KPNA5: variants seen among roughly 807,000 people sequenced by gnomAD.
KPNA5 encodes importin subunit alpha-6.
In KPNA5, 46 loss-of-function variants were observed where a neutral mutation model predicts 71.3. The observed-to-expected ratio is 0.65, with a 90% confidence interval of 0.51 to 0.83. The LOEUF (loss-of-function observed/expected upper bound fraction) is 0.83. Ranked by LOEUF, KPNA5 falls within the 40% of genes least tolerant of loss-of-function variation. The pLI, the probability that KPNA5 is intolerant of heterozygous loss-of-function variation, is 0.00. For missense variants in KPNA5, 547 were observed against 628.3 expected (o/e 0.87, Z 1.38); for synonymous variants, 207 against 201.4 (o/e 1.03, Z -0.24).
At chr6:116,708,639 C>T (rs928731268) in intron 7 of KPNA5, among the ~76,000 whole-genome samples, 3 of 151,972 alleles carry the variant, frequency 2.0e-5, no homozygotes, top group Non-Finnish European at 2.9e-5. Context: ...GTAAACAGGT[C>T]GTATACCTCT....
chr6:116,709,150 A>C (rs1212671280), intron 7 of KPNA5, among the ~76,000 whole-genome samples: 3 of 152,082 alleles, frequency 2.0e-5, no homozygotes, highest in Admixed American at 6.6e-5. Context: ...TTTTTTGTAG[A>C]TTGTTGTGGA....
intron 10 of KPNA5, 69 bp downstream of exon 10, chr6:116,724,444 C>A: frequency 1.0e-6 from 1 of 999,686 alleles, no homozygotes; most frequent in Non-Finnish European, 1.6e-6. Flanking sequence ...TTTCATACAA[C>A]TTGATTACAT....
chr6:116,715,171 A>G (rs988925089), intron 7 of KPNA5, among the ~76,000 whole-genome samples: 1 of 152,220 alleles, frequency 6.6e-6, no homozygotes, highest in African/African-American at 2.4e-5. Context: ...ATGTCACTCT[A>G]AAACAGGGAT....
In KPNA5 at chr6:116,736,387, A is replaced by C. The variant is rs1374775664; in HGVS notation, c.*4064A>C. 6.6e-6 allele frequency: 1 copy of C among 151,848 alleles called. No homozygotes were observed. Among genetic ancestry groups the C allele is most frequent in the Non-Finnish European group, 1.5e-5 (1 of 67,814 alleles). 9.4% of individuals were successfully genotyped at this position (151,848 alleles called of 1,614,324 possible). ...TTGGAAATGGGAGGTGACTGGGTAC[A>C]AAGTTTCTTCTTTGAGCAATAAAAA... On this transcript the variant is annotated 3_prime_UTR_variant, in exon 14 of 14. Transcript: ENST00000368564.
intron 2 of KPNA5, among the ~76,000 whole-genome samples, chr6:116,691,145 C>T (rs111343496): frequency 6.6e-6 from 1 of 152,334 alleles, no homozygotes; most frequent in Non-Finnish European, 1.5e-5. Context: ...AGGAGGATCG[C>T]TTGAACCCAG....
At chr6:116,714,852 A>G (rs566555828) in intron 7 of KPNA5, among the ~76,000 whole-genome samples, 4 of 152,308 alleles carry the variant, frequency 2.6e-5, no homozygotes, top group Non-Finnish European at 5.9e-5. Flanking sequence ...CAAAACAGAC[A>G]AACACAATTT....
rs370867540 is a variant in KPNA5 at position 116,692,027 on chromosome 6, T to C, written c.139-28T>C. The C allele has an allele frequency of 4.0e-5, 56 of 1,400,706 alleles. No homozygotes were observed. The African/African-American group carries it at 7.2e-4, about 18-fold the overall frequency. 86.8% of individuals were successfully genotyped at this position (1,400,706 alleles called of 1,614,324 possible). On this transcript the variant is annotated intron_variant, in intron 2 of 13. Coordinates refer to ENST00000368564, the MANE Select transcript of KPNA5 (RefSeq NM_001366306.2). Reference sequence around the variant, plus strand: ...ACTTAATGTTTTATGGAAAGCTCAATGTGTAAACTGATTTCTCTTTATTAC... The same window carrying C: ...ACTTAATGTTTTATGGAAAGCTCAACGTGTAAACTGATTTCTCTTTATTAC...
At chr6:116,722,070 G>A (rs938473754) in intron 8 of KPNA5, 56 bp from the exon 9 acceptor site, 1 of 1,316,340 alleles carries the variant, frequency 7.6e-7, no homozygotes, top group Non-Finnish European at 1.0e-6. Flanking sequence ...ATTTTTCTAA[G>A]GAAACTTGGT....
intron 7 of KPNA5, among the ~76,000 whole-genome samples, chr6:116,705,375 A>G (rs1349789949): frequency 6.6e-6 from 1 of 152,214 alleles, no homozygotes; most frequent in Non-Finnish European, 1.5e-5. Flanking sequence ...GTCATTGCTT[A>G]CTTGATGCTT....
At chr6:116,724,097 C>G (rs573133137) in intron 9 of KPNA5, among the ~76,000 whole-genome samples, 200 bp from the exon 10 acceptor site, 1 of 152,220 alleles carries the variant, frequency 6.6e-6, no homozygotes, top group Admixed American at 6.5e-5. Context: ...ACTGAGAAAT[C>G]ATTCTGGAGA....
rs557993106 is a variant in KPNA5 at position 116,741,852 on chromosome 6, G to T, written c.*9529G>T. The T allele has an allele frequency of 2.0e-5, 3 of 152,184 alleles. No individual in the cohort carries two copies. The highest frequency in any genetic ancestry group is 2.9e-5 in the Non-Finnish European group (2 of 67,964). The allele number at this position is 152,184 out of a possible 1,614,324, so 9.4% of individuals were successfully genotyped here. On this transcript the variant is annotated 3_prime_UTR_variant, in exon 14 of 14. Coordinates refer to ENST00000368564, the MANE Select transcript of KPNA5 (RefSeq NM_001366306.2). Reference sequence around the variant, plus strand: ...CTTCAGTCACAATTCCAGAATAAAAGAATCTACTTTGTGTATTAATGTTTT... The same window carrying T: ...CTTCAGTCACAATTCCAGAATAAAATAATCTACTTTGTGTATTAATGTTTT...
At position 116,739,153 on chromosome 6, in the gene KPNA5, G is replaced by C. The variant is rs1297511597; in HGVS notation, c.*6830G>C. On this transcript the variant is annotated 3_prime_UTR_variant, in exon 14 of 14. Coordinates refer to ENST00000368564, the MANE Select transcript of KPNA5 (RefSeq NM_001366306.2). Reference sequence around the variant, plus strand: ...TAAGCTGATAAGCAACTTCAGCAAAGTCTCAGGATACAAAATCAATGTACA... The same window carrying C: ...TAAGCTGATAAGCAACTTCAGCAAACTCTCAGGATACAAAATCAATGTACA... 1.3e-5 allele frequency: 2 copies of C among 152,172 alleles called. No homozygotes were observed. The highest frequency in any genetic ancestry group is 2.9e-5 in the Non-Finnish European group (2 of 68,050). The allele number at this position is 152,172 out of a possible 1,614,324, so 9.4% of individuals were successfully genotyped here.
chr6:116,685,770 T>C (rs75078235), intron 1 of KPNA5, among the ~76,000 whole-genome samples: 1 of 152,212 alleles, frequency 6.6e-6, no homozygotes. Context: ...GTTTTTATGG[T>C]AGAATGATTT....
intron 1 of KPNA5, chr6:116,681,547 G>C (rs1331045339): frequency 1.5e-6 from 2 of 1,341,120 alleles, no homozygotes; most frequent in East Asian, 6.4e-5. Flanking sequence ...CGGACGCGAA[G>C]GCGTGGTGAG....
At chr6:116,721,497 G>A (rs888628312) in intron 8 of KPNA5, among the ~76,000 whole-genome samples, 1 of 151,894 alleles carries the variant, frequency 6.6e-6, no homozygotes, top group South Asian at 2.1e-4. Flanking sequence ...GATATGTTAG[G>A]TTGCTTATTT....
chr6:116,704,877 G>A (rs1778375890), intron 6 of KPNA5, among the ~76,000 whole-genome samples, 195 bp from the exon 7 acceptor site: 1 of 151,882 alleles, frequency 6.6e-6, no homozygotes, highest in Non-Finnish European at 1.5e-5. Context: ...TTGTTCAGCT[G>A]GAAAACTTTT....
At chr6:116,701,927 T>G in intron 5 of KPNA5, 92 bp from the exon 6 acceptor site, 2 of 1,140,012 alleles carry the variant, frequency 1.8e-6, no homozygotes, top group Non-Finnish European at 2.5e-6. Context: ...TTCACACTTG[T>G]CCTGGCAGGT....
chr6:116,716,532 G>A (rs1778894830), intron 8 of KPNA5, among the ~76,000 whole-genome samples: 1 of 152,168 alleles, frequency 6.6e-6, no homozygotes, highest in Admixed American at 6.5e-5. Context: ...TGTGCCCAGA[G>A]GCAGTCACTG....
At chr6:116,725,441 C>G (rs531875336) in intron 10 of KPNA5, among the ~76,000 whole-genome samples, 5 of 152,140 alleles carry the variant, frequency 3.3e-5, no homozygotes, top group African/African-American at 1.2e-4. Flanking sequence ...GAGGTTGGAT[C>G]CTGACCTCGG....
Sources: allele counts gnomAD v4.1 joint callset (sites outside exome capture counted in the v4.1 genomes callset), GRCh38; gene constraint gnomAD v4.1.1; transcripts MANE v1.5; gene names NCBI Gene and HGNC (gene_info 2026-07-23, HGNC 2026-07-21).